PLCXD3: variants seen among roughly 807,000 people sequenced by gnomAD.
PLCXD3 encodes PI-PLC X domain-containing protein 3.
A neutral mutation model predicts 25.5 loss-of-function variants in PLCXD3; 19 were observed. That is an observed-to-expected ratio of 0.75 (90% CI 0.52 to 1.09). The LOEUF is 1.09. Among genes scored for constraint, PLCXD3 ranks in the 50% least tolerant of loss-of-function variants. The pLI is 0.00. For missense variants in PLCXD3, 411 were observed against 388.1 expected, an observed-to-expected ratio of 1.06 and a Z score of -0.50; for synonymous variants, 174 against 137.6, an observed-to-expected ratio of 1.26 and a Z score of -1.85.
intron 2 of PLCXD3, among the ~76,000 whole-genome samples, chr5:41,358,960 T>G (rs1012560458): frequency 6.6e-6 from 1 of 152,220 alleles, no homozygotes; most frequent in African/African-American, 2.4e-5. Context: ...TTTTTCTGCC[T>G]CTATTGAGAT....
At chr5:41,401,910 T>C (rs1746198076) in intron 1 of PLCXD3, among the ~76,000 whole-genome samples, 1 of 152,016 alleles carries the variant, frequency 6.6e-6, no homozygotes, top group Non-Finnish European at 1.5e-5. Flanking sequence ...AATATTCTTA[T>C]TACACTTTTA....
At chr5:41,379,427 C>T (rs1745388769) in intron 2 of PLCXD3, among the ~76,000 whole-genome samples, 1 of 151,992 alleles carries the variant, frequency 6.6e-6, no homozygotes, top group Non-Finnish European at 1.5e-5. Context: ...TGAATTTAGG[C>T]TTAGGAAGCT....
chr5:41,346,201 A>G (rs1744299313), intron 2 of PLCXD3, among the ~76,000 whole-genome samples: 1 of 152,244 alleles, frequency 6.6e-6, no homozygotes, highest in Non-Finnish European at 1.5e-5. Context: ...TCTAGTTTAC[A>G]GAAAACTTAC....
rs780865816 is a variant in PLCXD3, at chr5:41,428,381, TGTTTTTG to T, written c.104-45854_104-45848del. On this transcript the variant is annotated intron_variant, in intron 1 of 2. Transcript: ENST00000377801. ...GTGATTAAGTTAAAATGAGTTTTTT[TGTTTTTG>T]TTTTTGTTTTTTTTAGGGTGGGCCC... Among the ~76,000 whole-genome samples, 28 of 136,806 alleles carry T rather than the reference TGTTTTTG, an allele frequency of 2.0e-4. 4 individuals are homozygous for T. The South Asian group carries it at 5.0e-3, about 25-fold the overall frequency. The allele number at this position is 136,806 out of a possible 152,430, so 89.8% of individuals were successfully genotyped here.
intron 1 of PLCXD3, among the ~76,000 whole-genome samples, chr5:41,411,344 C>T (rs1014236479): frequency 2.0e-5 from 3 of 152,260 alleles, no homozygotes; most frequent in Admixed American, 6.5e-5. Context: ...TTCTATGATG[C>T]CCTCACCAAA....
chr5:41,484,018 C>A (rs1748466330), intron 1 of PLCXD3, among the ~76,000 whole-genome samples: 2 of 152,110 alleles, frequency 1.3e-5, no homozygotes, highest in South Asian at 4.2e-4. Flanking sequence ...TTGATCTCAC[C>A]TTCTAATATG....
At chr5:41,500,398 G>A (rs1748926591) in intron 1 of PLCXD3, among the ~76,000 whole-genome samples, 1 of 151,674 alleles carries the variant, frequency 6.6e-6, no homozygotes, top group African/African-American at 2.4e-5. Flanking sequence ...TGTAGCGAGT[G>A]GAATAATAGA....
chr5:41,495,837 G>T (rs908806081), intron 1 of PLCXD3, among the ~76,000 whole-genome samples: 1 of 151,404 alleles, frequency 6.6e-6, no homozygotes, highest in African/African-American at 2.4e-5. Flanking sequence ...CCAACACAAA[G>T]GTACAAGAAA....
At chr5:41,504,169 C>T (rs1749010375) in intron 1 of PLCXD3, among the ~76,000 whole-genome samples, 1 of 152,136 alleles carries the variant, frequency 6.6e-6, no homozygotes, top group Non-Finnish European at 1.5e-5. Context: ...TAGACCCTAG[C>T]TGTGTTTCCA....
chr5:41,333,377 G>A (rs1026599141), intron 2 of PLCXD3, among the ~76,000 whole-genome samples: 8 of 152,074 alleles, frequency 5.3e-5, no homozygotes, highest in Admixed American at 6.6e-5. Flanking sequence ...GTAAAGAAGA[G>A]AATGACAACA....
At chr5:41,451,548 G>A (rs1228683937) in intron 1 of PLCXD3, among the ~76,000 whole-genome samples, 2 of 151,926 alleles carry the variant, frequency 1.3e-5, no homozygotes, top group African/African-American at 2.4e-5. Flanking sequence ...ATGCAGAGAG[G>A]AAAAGCATTG....
At chr5:41,368,329 A>C (rs963528261) in intron 2 of PLCXD3, among the ~76,000 whole-genome samples, 4 of 152,092 alleles carry the variant, frequency 2.6e-5, no homozygotes, top group South Asian at 2.1e-4. Context: ...ATTCACTATG[A>C]GCTACTTGCC....
At chr5:41,446,096 G>A (rs1390008114) in intron 1 of PLCXD3, among the ~76,000 whole-genome samples, 1 of 142,662 alleles carries the variant, frequency 7.0e-6, no homozygotes, top group Non-Finnish European at 1.5e-5. Flanking sequence ...GCTGAGGCAG[G>A]AGAATGACGT....
chr5:41,315,503 C>T (rs778697577), intron 2 of PLCXD3, among the ~76,000 whole-genome samples: 8 of 152,084 alleles, frequency 5.3e-5, no homozygotes, highest in Non-Finnish European at 5.9e-5. Flanking sequence ...CAGAAGGCTC[C>T]GCATACCCCT....
At position 41,449,289 on chromosome 5, in the gene PLCXD3, T is replaced by A. The variant is rs186345761; in HGVS notation, c.103+61135A>T. On this transcript the variant is annotated intron_variant, in intron 1 of 2. Coordinates refer to ENST00000377801, the MANE Select transcript of PLCXD3 (RefSeq NM_001005473.3). The stretch of plus-strand genomic sequence containing the variant: ...TTTTATACCAAAGCTCAGAAAAAAA[T>A]TTTAATGAATGACTAAACAAGATTG... Among the ~76,000 whole-genome samples, 321 of 152,210 alleles carry A rather than the reference T, an allele frequency of 2.1e-3. 13 individuals carry two copies. In the East Asian group the frequency reaches 0.048, roughly 23 times the overall value.
chr5:41,507,215 C>G (rs1040687213), intron 1 of PLCXD3, among the ~76,000 whole-genome samples: 2 of 152,196 alleles, frequency 1.3e-5, no homozygotes, highest in African/African-American at 4.8e-5. Flanking sequence ...TTCCTGCTTT[C>G]ATCTCTGTTT....
In PLCXD3 at chr5:41,332,490, TTGG is replaced by T. The variant is rs557765932; in HGVS notation, c.813-18723_813-18721del. 3.6e-4 allele frequency among the ~76,000 whole-genome samples: 55 copies of T among 152,308 alleles called. No homozygotes were observed. In the East Asian group the frequency reaches 6.8e-3, roughly 19 times the overall value. ...GAGAAATAGGAACACTTTTACACTG[TTGG>T]TGGGACTGTAAACTAGTTCACCCCT... On this transcript the variant is annotated intron_variant, in intron 2 of 2. Coordinates refer to ENST00000377801, the MANE Select transcript of PLCXD3 (RefSeq NM_001005473.3).
chr5:41,360,860 C>A (rs1744751483), intron 2 of PLCXD3, among the ~76,000 whole-genome samples: 1 of 152,126 alleles, frequency 6.6e-6, no homozygotes. Context: ...GTAGGGCTTT[C>A]ATGAGCACAT....
At chr5:41,385,964 G>A (rs557256266) in intron 1 of PLCXD3, among the ~76,000 whole-genome samples, 6 of 152,230 alleles carry the variant, frequency 3.9e-5, no homozygotes, top group South Asian at 2.1e-4. Flanking sequence ...GACCGAAGCA[G>A]GGAACCCAGT....
Sources: gnomAD v4.1 joint callset for allele counts (sites outside exome capture counted in the v4.1 genomes callset) on GRCh38, gnomAD v4.1.1 for gene constraint, MANE v1.5 for transcripts, NCBI Gene and HGNC (gene_info 2026-07-23, HGNC 2026-07-21) for gene names.